NTRK2: variants seen among roughly 807,000 people sequenced by gnomAD.
NTRK2 encodes the protein neurotrophic receptor tyrosine kinase 2.
NTRK2 carries 13 observed loss-of-function variants against 94.5 expected under a neutral mutation model. The ratio of observed to expected loss-of-function variants is 0.14; its 90% CI spans 0.09 to 0.22. The LOEUF is 0.22. Ranked by LOEUF, NTRK2 falls within the 10% of genes least tolerant of loss-of-function variation. NTRK2 has a pLI of 1.00. For missense variants in NTRK2, 639 were observed against 1,071.2 expected, an observed-to-expected ratio of 0.60 and a Z score of 5.63; for synonymous variants, 372 against 407.4, an observed-to-expected ratio of 0.91 and a Z score of 1.05.
At chr9:84,839,047 G>T (rs2074030968) in intron 12 of NTRK2, among the ~76,000 whole-genome samples, 2 of 152,048 alleles carry the variant, frequency 1.3e-5, no homozygotes, top group Admixed American at 1.3e-4. Context: ...CTTTCTTTAT[G>T]ACTATAGTAA....
At chr9:85,010,567 G>A (rs962798352) in intron 17 of NTRK2, among the ~76,000 whole-genome samples, 2 of 152,198 alleles carry the variant, frequency 1.3e-5, no homozygotes, top group African/African-American at 2.4e-5. Flanking sequence ...ACCAGGCAGC[G>A]TGGTGTATTA....
At chr9:84,733,304 C>T (rs2063021583) in intron 9 of NTRK2, among the ~76,000 whole-genome samples, 1 of 152,208 alleles carries the variant, frequency 6.6e-6, no homozygotes, top group Non-Finnish European at 1.5e-5. Context: ...GGACATAGGT[C>T]CAGTTCTCAG....
intron 17 of NTRK2, among the ~76,000 whole-genome samples, chr9:84,957,797 G>A (rs774995244): frequency 6.6e-6 from 1 of 152,182 alleles, no homozygotes; most frequent in African/African-American, 2.4e-5. Flanking sequence ...ACACAAATGT[G>A]CATGGTAGTA....
At chr9:84,829,807 C>T (rs2073420383) in intron 12 of NTRK2, among the ~76,000 whole-genome samples, 1 of 152,168 alleles carries the variant, frequency 6.6e-6, no homozygotes, top group Admixed American at 6.5e-5. Context: ...GCACTAAACC[C>T]CATCTTTTTC....
At chr9:84,805,094 C>T (rs1004486357) in intron 12 of NTRK2, among the ~76,000 whole-genome samples, 2 of 152,218 alleles carry the variant, frequency 1.3e-5, no homozygotes, top group Admixed American at 6.5e-5. Flanking sequence ...AGTCCTCGGA[C>T]ACTTGTCATC....
intron 14 of NTRK2, among the ~76,000 whole-genome samples, chr9:84,892,797 C>T: frequency 6.6e-6 from 1 of 152,104 alleles, no homozygotes; most frequent in Non-Finnish European, 1.5e-5. Context: ...TGGCAGGCAC[C>T]TGTAATCCCA....
intron 12 of NTRK2, among the ~76,000 whole-genome samples, chr9:84,789,685 G>A (rs118046056): frequency 0.023 from 3,492 of 152,238 alleles, 53 homozygotes; most frequent in Non-Finnish European, 0.036. Flanking sequence ...CACTATATGC[G>A]TCTCTGCAGC....
intron 12 of NTRK2, among the ~76,000 whole-genome samples, chr9:84,816,778 C>CAA (rs61094948): frequency 4.1e-4 from 34 of 82,618 alleles, no homozygotes; most frequent in Admixed American, 5.5e-4. Flanking sequence ...GACTCCATCT[C>CAA]AAAAAAAAAA....
At chr9:84,874,853 C>G (rs1317752697) in intron 14 of NTRK2, 2 of 1,057,434 alleles carry the variant, frequency 1.9e-6, no homozygotes, top group Non-Finnish European at 2.3e-6. Context: ...AAAACCAGGA[C>G]AGTCCTAAAC....
intron 17 of NTRK2, among the ~76,000 whole-genome samples, chr9:85,008,775 G>A (rs1831248942): frequency 6.6e-6 from 1 of 152,178 alleles, no homozygotes; most frequent in Non-Finnish European, 1.5e-5. Context: ...CAGCGTGAAT[G>A]GTGCCCTTCA....
At chr9:84,762,920 G>A (rs1469847701) in intron 12 of NTRK2, among the ~76,000 whole-genome samples, 2 of 152,136 alleles carry the variant, frequency 1.3e-5, no homozygotes, top group Non-Finnish European at 2.9e-5. Flanking sequence ...GCCACAGTGT[G>A]GCCTTGGTGG....
intron 12 of NTRK2, chr9:84,811,140 G>A: frequency 2.8e-6 from 3 of 1,063,470 alleles, no homozygotes; most frequent in Non-Finnish European, 3.4e-6. Context: ...AGAGTTAAGG[G>A]TATATATACC....
At chr9:84,969,741 G>A (rs368456720) in intron 17 of NTRK2, among the ~76,000 whole-genome samples, 58 of 152,278 alleles carry the variant, frequency 3.8e-4, no homozygotes, top group Non-Finnish European at 7.1e-4. Context: ...CCTAAGAGAT[G>A]CTAAATTTTT....
At chr9:84,924,375 G>C (rs1468414772) in intron 14 of NTRK2, among the ~76,000 whole-genome samples, 2 of 152,222 alleles carry the variant, frequency 1.3e-5, no homozygotes, top group African/African-American at 2.4e-5. Context: ...TTGAGAGCAG[G>C]AAGAACTTTA....
At chr9:84,753,528 T>A (rs908122356) in intron 12 of NTRK2, among the ~76,000 whole-genome samples, 19 of 152,176 alleles carry the variant, frequency 1.2e-4, no homozygotes, top group African/African-American at 4.6e-4. Context: ...ACAATAAACA[T>A]GGGCTGCCAG....
intron 17 of NTRK2, among the ~76,000 whole-genome samples, chr9:84,974,543 T>C (rs1324707934): frequency 6.6e-6 from 1 of 152,200 alleles, no homozygotes; most frequent in Non-Finnish European, 1.5e-5. Flanking sequence ...TTTTAAGGCA[T>C]AAAAGAAGTA....
At chr9:84,718,693 C>T (rs746324308) in intron 6 of NTRK2, among the ~76,000 whole-genome samples, 13 of 152,144 alleles carry the variant, frequency 8.5e-5, no homozygotes, top group Non-Finnish European at 1.8e-4. Flanking sequence ...CTCTTGGAAA[C>T]GTTGCTGGGC....
intron 17 of NTRK2, among the ~76,000 whole-genome samples, chr9:84,969,556 T>A (rs1462456850): frequency 6.6e-6 from 1 of 152,228 alleles, no homozygotes; most frequent in East Asian, 1.9e-4. Context: ...AAGGGTGACA[T>A]AATAACACGT....
intron 14 of NTRK2, among the ~76,000 whole-genome samples, chr9:84,907,039 G>T (rs1053728025): frequency 3.9e-5 from 6 of 152,274 alleles, no homozygotes; most frequent in Admixed American, 3.3e-4. Context: ...TACAGTGAGG[G>T]TCACCGCACT....
Sources: allele counts gnomAD v4.1 joint callset (sites outside exome capture counted in the v4.1 genomes callset), GRCh38; gene constraint gnomAD v4.1.1; transcripts MANE v1.5; gene names NCBI Gene and HGNC (gene_info 2026-07-23, HGNC 2026-07-21).